EPB41L4B: variants seen among roughly 807,000 people sequenced by gnomAD.
EPB41L4B encodes the protein erythrocyte membrane protein band 4.1 like 4B.
A neutral mutation model predicts 112.5 loss-of-function variants in EPB41L4B; 30 were observed. The observed-to-expected ratio is 0.27, with a 90% confidence interval of 0.20 to 0.36. EPB41L4B has a LOEUF of 0.36. Ranked by LOEUF, EPB41L4B falls within the 10% of genes least tolerant of loss-of-function variation. The pLI is 1.00. For synonymous variants in EPB41L4B, 408 were observed against 439.7 expected (o/e 0.93, Z 0.90); for missense variants, 1,024 against 1,133.3 (o/e 0.90, Z 1.38).
At chr9:109,184,020 A>G (rs953856143) in intron 23 of EPB41L4B, among the ~76,000 whole-genome samples, 3 of 152,156 alleles carry the variant, frequency 2.0e-5, no homozygotes, top group African/African-American at 7.2e-5. Context: ...TGGTCTCTTT[A>G]CACATCTCAA....
chr9:109,219,104 T>C (rs1385315855), intron 15 of EPB41L4B, among the ~76,000 whole-genome samples: 1 of 152,218 alleles, frequency 6.6e-6, no homozygotes, highest in African/African-American at 2.4e-5. Context: ...TTCTTTCTTA[T>C]AGGAAACCCC....
At chr9:109,295,847 C>CT (rs1351265008) in intron 1 of EPB41L4B, among the ~76,000 whole-genome samples, 2 of 149,918 alleles carry the variant, frequency 1.3e-5, no homozygotes, top group African/African-American at 4.9e-5. Context: ...GTTTTTTTTT[C>CT]TTTTTTGTGG....
chr9:109,280,530 C>T (rs1337402224), intron 1 of EPB41L4B, among the ~76,000 whole-genome samples: 1 of 152,206 alleles, frequency 6.6e-6, no homozygotes, highest in Non-Finnish European at 1.5e-5. Flanking sequence ...AGTCCTGCAT[C>T]TGCCACTTGA....
chr9:109,201,882 G>T (rs1564261787), intron 19 of EPB41L4B, among the ~76,000 whole-genome samples: 1 of 151,908 alleles, frequency 6.6e-6, no homozygotes, highest in Non-Finnish European at 1.5e-5. Flanking sequence ...TTTAGGCAAA[G>T]GAGTGGCATA....
At position 109,217,038 on chromosome 9, in the gene EPB41L4B, T is replaced by C; in HGVS notation, c.1517A>G (p.His506Arg). The C allele has an allele frequency of 6.2e-7, 1 of 1,614,178 alleles. No individual in the cohort carries two copies. The highest frequency in any genetic ancestry group is 8.5e-7 in the Non-Finnish European group (1 of 1,180,030). ...FLTAASGRHH[H>R]QHQHQHQHQH... is the part of the protein sequence containing the mutation. The stretch of plus-strand genomic sequence containing the variant: ...GTGCTGATGCTGATGCTGGTGCTGG[T>C]GGTGATGCCTTCCTGAAGCTGCGGT... The change falls in exon 16 of 26, where the codon CAC becomes CGC. Residue 506 changes from histidine to arginine, a missense_variant. Coordinates refer to ENST00000374566, the MANE Select transcript of EPB41L4B (RefSeq NM_019114.5).
intron 1 of EPB41L4B, chr9:109,307,272 G>A (rs777407513): frequency 1.0e-5 from 5 of 484,916 alleles, no homozygotes; most frequent in South Asian, 3.0e-5. Context: ...GAACTTCATC[G>A]CTTTTAGAAT....
chr9:109,241,134 G>A, intron 15 of EPB41L4B: 1 of 985,864 alleles, frequency 1.0e-6, no homozygotes, highest in South Asian at 4.7e-5. Flanking sequence ...TAAACAAAAT[G>A]AAATGTTAAC....
At chr9:109,193,884 T>TG (rs1042124200) in intron 21 of EPB41L4B, among the ~76,000 whole-genome samples, 2 of 152,060 alleles carry the variant, frequency 1.3e-5, no homozygotes, top group Admixed American at 1.3e-4. Context: ...TCACTATGGT[T>TG]GGGGGGGAAT....
At chr9:109,176,050 GCACACACA>G (rs58215877) in intron 25 of EPB41L4B, among the ~76,000 whole-genome samples, 125 of 32,972 alleles carry the variant, frequency 3.8e-3, no homozygotes, top group African/African-American at 0.029. Context: ...TCACACACAC[GCACACACA>G]CACACACACA....
intron 6 of EPB41L4B, among the ~76,000 whole-genome samples, chr9:109,262,452 G>GGTGTGT (rs1554756264): frequency 2.0e-5 from 3 of 149,556 alleles, no homozygotes; most frequent in Non-Finnish European, 4.5e-5. Context: ...TGTGTGTGGG[G>GGTGTGT]GTGTGTGTGT....
At chr9:109,215,199 T>C (rs964607126) in intron 16 of EPB41L4B, among the ~76,000 whole-genome samples, 1 of 152,178 alleles carries the variant, frequency 6.6e-6, no homozygotes, top group Non-Finnish European at 1.5e-5. Flanking sequence ...ATTTCATGGA[T>C]GAGAAAATAG....
chr9:109,277,452 C>T (rs1284184084), intron 2 of EPB41L4B, among the ~76,000 whole-genome samples: 2 of 152,082 alleles, frequency 1.3e-5, no homozygotes, highest in Non-Finnish European at 2.9e-5. Context: ...GGGGACTGGA[C>T]TAAAGGTCTG....
At chr9:109,240,756 C>T (rs112884214) in intron 15 of EPB41L4B, 37 of 985,422 alleles carry the variant, frequency 3.8e-5, no homozygotes, top group African/African-American at 3.7e-4. Flanking sequence ...CTTGATTGCA[C>T]GTTGCTTTTT....
intron 17 of EPB41L4B, among the ~76,000 whole-genome samples, chr9:109,210,884 T>A (rs1200281102): frequency 6.6e-6 from 1 of 152,212 alleles, no homozygotes; most frequent in Non-Finnish European, 1.5e-5. Context: ...CAATATGGGA[T>A]TACAGATTTC....
intron 20 of EPB41L4B, 46 bp from the exon 21 acceptor site, chr9:109,194,443 A>T: frequency 6.3e-7 from 1 of 1,593,912 alleles, no homozygotes; most frequent in South Asian, 1.1e-5. Flanking sequence ...TACAATAATA[A>T]ACAGGCTGTG....
chr9:109,227,888 C>T (rs1231133495), intron 15 of EPB41L4B, among the ~76,000 whole-genome samples: 2 of 152,084 alleles, frequency 1.3e-5, no homozygotes, highest in Non-Finnish European at 2.9e-5. Flanking sequence ...CCCCTATTGT[C>T]TAATTTTTTA....
intron 15 of EPB41L4B, among the ~76,000 whole-genome samples, chr9:109,218,568 A>G (rs1833469262): frequency 6.6e-6 from 1 of 152,134 alleles, no homozygotes; most frequent in African/African-American, 2.4e-5. Context: ...CCAGGTGAAG[A>G]GCCCTGGCTT....
intron 22 of EPB41L4B, among the ~76,000 whole-genome samples, chr9:109,186,594 C>T: frequency 6.6e-6 from 1 of 152,122 alleles, no homozygotes; most frequent in Non-Finnish European, 1.5e-5. Context: ...CCTGCCTCAG[C>T]CTCCTGAGTA....
At chr9:109,196,149 T>C (rs986505407) in intron 20 of EPB41L4B, 5 of 151,248 alleles carry the variant, frequency 3.3e-5, no homozygotes. Context: ...TTTTTTCTTT[T>C]CTTTAAATAT....
Sources: gnomAD v4.1 joint callset for allele counts (sites outside exome capture counted in the v4.1 genomes callset) on GRCh38, gnomAD v4.1.1 for gene constraint, MANE v1.5 for transcripts, NCBI Gene and HGNC (gene_info 2026-07-23, HGNC 2026-07-21) for gene names.